Variants in DLGAP2 observed in about 807,000 individuals in gnomAD.
DLGAP2 encodes the protein DLG associated protein 2.
Under a neutral mutation model 100.3 loss-of-function variants are expected in DLGAP2, and 26 were observed. That is an observed-to-expected ratio of 0.26 (90% CI 0.19 to 0.36). DLGAP2 has a LOEUF of 0.36. Ranked by LOEUF, DLGAP2 falls within the 10% of genes least tolerant of loss-of-function variation. DLGAP2 has a pLI of 1.00. For synonymous variants in DLGAP2, 886 were observed against 630.1 expected (o/e 1.41, Z -6.08); for missense variants, 1,858 against 1,453.2 (o/e 1.28, Z -4.53).
intron 1 of DLGAP2, among the ~76,000 whole-genome samples, chr8:902,304 G>T (rs1247161992): frequency 1.3e-5 from 2 of 151,894 alleles, no homozygotes; most frequent in African/African-American, 4.8e-5. Flanking sequence ...TGTGTTCTGG[G>T]ACTGTGTTTT....
At chr8:766,342 G>C (rs761782327) in intron 1 of DLGAP2, among the ~76,000 whole-genome samples, 1 of 152,200 alleles carries the variant, frequency 6.6e-6, no homozygotes, top group Non-Finnish European at 1.5e-5. Context: ...CACACCCCTT[G>C]TTGGTCAACC....
intron 3 of DLGAP2, among the ~76,000 whole-genome samples, chr8:1,368,316 TGTG>T (rs1802157157): frequency 1.3e-5 from 2 of 151,806 alleles, no homozygotes; most frequent in Non-Finnish European, 1.5e-5. Flanking sequence ...TGTGCATAGC[TGTG>T]TGTGTGCATG....
rs145003733 is a variant in DLGAP2, at chr8:1,513,859, G to A, written c.172+12428G>A. Among the ~76,000 whole-genome samples, 169 of 87,686 alleles carry A rather than the reference G, an allele frequency of 1.9e-3. 1 individual carries two copies. Among genetic ancestry groups the A allele is most frequent in the African/African-American group, 5.4e-3 (149 of 27,812 alleles). The allele number at this position is 87,686 out of a possible 152,430, so 57.5% of individuals were successfully genotyped here. ...AAACATCCTTCTTCCAGACAATGGC[G>A]GTCGAACCTCAGACCCATCCTTGCC... is the stretch of plus-strand genomic sequence containing the variant. On this transcript the variant is annotated intron_variant, in intron 4 of 14. Coordinates refer to ENST00000637795, the MANE Select transcript of DLGAP2 (RefSeq NM_001346810.2).
intron 2 of DLGAP2, among the ~76,000 whole-genome samples, chr8:989,093 C>T (rs1426711656): frequency 6.6e-6 from 1 of 152,212 alleles, no homozygotes; most frequent in African/African-American, 2.4e-5. Flanking sequence ...TCTAGTCAGC[C>T]TCCATTGTGA....
chr8:1,118,076 G>C (rs1795936312), intron 2 of DLGAP2, among the ~76,000 whole-genome samples: 1 of 152,242 alleles, frequency 6.6e-6, no homozygotes, highest in Non-Finnish European at 1.5e-5. Context: ...CCTGAATGCT[G>C]TACCTCAGCT....
chr8:1,592,849 C>T (rs533843343), intron 6 of DLGAP2, among the ~76,000 whole-genome samples: 10 of 152,258 alleles, frequency 6.6e-5, no homozygotes, highest in East Asian at 1.9e-4. Context: ...ACCAGGGTAC[C>T]GCTGGCTGGG....
At chr8:767,098 C>T (rs60287636) in intron 1 of DLGAP2, among the ~76,000 whole-genome samples, 16,962 of 152,140 alleles carry the variant, frequency 0.11, 990 homozygotes, top group Non-Finnish European at 0.12. Context: ...GTGCCATCCC[C>T]GGGGTGCATC....
chr8:1,238,080 G>A (rs1461331825), intron 2 of DLGAP2, among the ~76,000 whole-genome samples: 1 of 12,698 alleles, frequency 7.9e-5, no homozygotes, highest in Non-Finnish European at 1.5e-4. Context: ...CTCACATGGC[G>A]CCGTGTCTAG....
intron 1 of DLGAP2, chr8:753,823 T>C (rs1820852428): frequency 6.6e-6 from 1 of 152,258 alleles, no homozygotes; most frequent in Non-Finnish European, 1.5e-5. Context: ...TAAAAAATCC[T>C]GCACAGAGAA....
At chr8:1,050,814 G>A (rs1345556246) in intron 2 of DLGAP2, among the ~76,000 whole-genome samples, 1 of 152,138 alleles carries the variant, frequency 6.6e-6, no homozygotes, top group Non-Finnish European at 1.5e-5. Flanking sequence ...TCTGTGGAGG[G>A]ATGAAAAGGA....
chr8:1,324,734 G>T (rs2117045669), intron 3 of DLGAP2, among the ~76,000 whole-genome samples: 1 of 152,288 alleles, frequency 6.6e-6, no homozygotes, highest in African/African-American at 2.4e-5. Flanking sequence ...ACATATATGA[G>T]ATATTTGGGC....
intron 1 of DLGAP2, among the ~76,000 whole-genome samples, chr8:738,337 C>T (rs1159176248): frequency 1.4e-5 from 2 of 147,766 alleles, no homozygotes; most frequent in Admixed American, 6.7e-5. Context: ...CGCACGGGGG[C>T]TCGCGGGGGC....
At chr8:1,618,379 G>A (rs1488164601) in intron 6 of DLGAP2, among the ~76,000 whole-genome samples, 1 of 152,184 alleles carries the variant, frequency 6.6e-6, no homozygotes, top group Non-Finnish European at 1.5e-5. Flanking sequence ...GAATTGTGGT[G>A]CTCTAAGATA....
intron 1 of DLGAP2, among the ~76,000 whole-genome samples, chr8:902,109 C>T (rs1798264311): frequency 6.6e-6 from 1 of 152,210 alleles, no homozygotes; most frequent in African/African-American, 2.4e-5. Flanking sequence ...GCGCCAGAAG[C>T]AAGACACAGG....
At chr8:1,600,897 C>G (rs1022585953) in intron 6 of DLGAP2, among the ~76,000 whole-genome samples, 1 of 152,134 alleles carries the variant, frequency 6.6e-6, no homozygotes, top group Non-Finnish European at 1.5e-5. Flanking sequence ...ATTCTCTGTC[C>G]GGTTCTGTTC....
chr8:743,150 G>T (rs1820528478), intron 1 of DLGAP2, among the ~76,000 whole-genome samples: 1 of 152,052 alleles, frequency 6.6e-6, no homozygotes, highest in Non-Finnish European at 1.5e-5. Context: ...ACCACAGAAG[G>T]ACAAGGGAAA....
intron 2 of DLGAP2, among the ~76,000 whole-genome samples, chr8:1,255,028 TCTC>T (rs1355822659): frequency 2.8e-5 from 3 of 107,382 alleles, no homozygotes; most frequent in African/African-American, 7.1e-5. Flanking sequence ...GTGTGTGTCT[TCTC>T]CTGCCCAGCC....
intron 3 of DLGAP2, among the ~76,000 whole-genome samples, chr8:1,424,733 T>C (rs966270878): frequency 6.6e-6 from 1 of 152,096 alleles, no homozygotes; most frequent in Non-Finnish European, 1.5e-5. Context: ...GATGGTGTGA[T>C]CCCCTTACAC....
intron 6 of DLGAP2, among the ~76,000 whole-genome samples, chr8:1,578,576 T>C (rs1452988357): frequency 6.6e-6 from 1 of 152,204 alleles, no homozygotes; most frequent in African/African-American, 2.4e-5. Context: ...TGCTTCAAAA[T>C]GTTCCACCTC....
Sources: gnomAD v4.1 joint callset for allele counts (sites outside exome capture counted in the v4.1 genomes callset) on GRCh38, gnomAD v4.1.1 for gene constraint, MANE v1.5 for transcripts, NCBI Gene and HGNC (gene_info 2026-07-23, HGNC 2026-07-21) for gene names.